The following NTNG2 variants were observed in gnomAD, a reference collection of about 807,000 sequenced individuals.
NTNG2 encodes the protein netrin-G2.
NTNG2 carries 15 observed loss-of-function variants against 47.6 expected under a neutral mutation model. The ratio of observed to expected loss-of-function variants is 0.32; its 90% CI spans 0.21 to 0.49. The LOEUF (loss-of-function observed/expected upper bound fraction) is 0.49. Among genes scored for constraint, NTNG2 ranks in the 20% least tolerant of loss-of-function variants. The pLI is 0.99. For missense variants in NTNG2, 578 were observed against 764.6 expected, an observed-to-expected ratio of 0.76 and a Z score of 2.88; for synonymous variants, 307 against 324.6, an observed-to-expected ratio of 0.95 and a Z score of 0.58.
rs1281663228 is a variant in NTNG2 at position 132,236,540 on chromosome 9, C to T, written c.1055-2564C>T. The stretch of plus-strand genomic sequence containing the variant: ...AATTTCCTCCAGCCCCAGCTCTGAG[C>T]AGCGAGCAGGGCTTTGAGCGCCCTC... On this transcript the variant is annotated intron_variant, in intron 5 of 7. Coordinates refer to ENST00000393229, the MANE Select transcript of NTNG2 (RefSeq NM_032536.4). The surrounding 1 kb of genome is among the most constrained non-coding windows in gnomAD (Gnocchi z 4.3). Among the ~76,000 whole-genome samples the T allele has an allele frequency of 6.6e-6, 1 of 152,216 alleles. No homozygotes were observed. Among genetic ancestry groups the T allele is most frequent in the Non-Finnish European group, 1.5e-5 (1 of 68,024 alleles).
rs1458405780 is a variant in NTNG2, at chr9:132,162,538, G to GTA, written c.-484+300_-484+301insAT. ...TCCTTTCCGTCGTGTGTGTGAGAGT[G>GTA]TGTGTGTGTGTGTGTGTGAGAGAGA... is the stretch of plus-strand genomic sequence containing the variant. On this transcript the variant is annotated intron_variant, in intron 1 of 7. Coordinates refer to ENST00000393229, the MANE Select transcript of NTNG2 (RefSeq NM_032536.4). This position sits in a 1 kb window ranked among gnomAD's most constrained non-coding sequence, Gnocchi z 4.6. Among the ~76,000 whole-genome samples, 6 of 104,582 alleles carry GTA rather than the reference G, an allele frequency of 5.7e-5. No individual in the cohort carries two copies. Among genetic ancestry groups the GTA allele is most frequent in the African/African-American group, 2.9e-4 (6 of 20,834 alleles). The allele number at this position is 104,582 out of a possible 152,430, so 68.6% of individuals were successfully genotyped here. A position where few individuals can be genotyped will look rare whatever the true frequency, so the allele number is the denominator to read the frequency against.
chr9:132,198,319 C>T lies in NTNG2; in HGVS notation c.567C>T (p.Ser189=), dbSNP rs764540838. Residue 189 remains serine, a synonymous_variant, in exon 3 of 8, where the codon AGC becomes AGT. Transcript: ENST00000393229. ...ARRARDMSSS[S]AHRVLCTEEY... Reference sequence around the variant, plus strand: ...GGGCCCGCGACATGTCATCCTCCAGCGCGCACCGCGTGCTCTGCACCGAGG... The same window carrying T: ...GGGCCCGCGACATGTCATCCTCCAGTGCGCACCGCGTGCTCTGCACCGAGG... 1 of 1,612,756 alleles carries T rather than the reference C, an allele frequency of 6.2e-7. No homozygotes were observed.
rs967926646 is a variant in NTNG2 at position 132,163,718 on chromosome 9, G to A, written c.-484+1479G>A. 6.6e-6 allele frequency among the ~76,000 whole-genome samples: 1 copy of A among 152,248 alleles called. No homozygotes were observed. Among genetic ancestry groups the A allele is most frequent in the African/African-American group, 2.4e-5 (1 of 41,468 alleles). On this transcript the variant is annotated intron_variant, in intron 1 of 7. Coordinates refer to ENST00000393229, the MANE Select transcript of NTNG2 (RefSeq NM_032536.4). This position sits in a 1 kb window ranked among gnomAD's most constrained non-coding sequence, Gnocchi z 7.2. ...CGCGGCAAGTTTCCCACACGGCGAG[G>A]GCGCAGCAGGCAACTCCAAGAGGAA...
chr9:132,227,255 C>A (rs561727678), intron 4 of NTNG2, among the ~76,000 whole-genome samples: 61 of 152,186 alleles, frequency 4.0e-4, no homozygotes, highest in Non-Finnish European at 7.8e-4. Context: ...GCATGCACCC[C>A]CACACACACA....
intron 3 of NTNG2, among the ~76,000 whole-genome samples, chr9:132,202,413 G>T (rs1224398376): frequency 1.3e-5 from 2 of 152,150 alleles, no homozygotes; most frequent in Admixed American, 1.3e-4. Flanking sequence ...GGGGGCAGGT[G>T]GGCTGCCGGT....
At chr9:132,230,237 G>A (rs1043265269) in intron 4 of NTNG2, among the ~76,000 whole-genome samples, 1 of 152,356 alleles carries the variant, frequency 6.6e-6, no homozygotes, top group Middle Eastern at 3.4e-3. Context: ...ATAAGAGGAG[G>A]AGTGCGTGTG....
chr9:132,223,056 G>A (rs933676055), intron 3 of NTNG2, among the ~76,000 whole-genome samples: 1 of 152,236 alleles, frequency 6.6e-6, no homozygotes, highest in African/African-American at 2.4e-5. Context: ...AGAAGTTGCA[G>A]TGAGCCGAGA....
chr9:132,216,532 G>A (rs1179015521), intron 3 of NTNG2, among the ~76,000 whole-genome samples: 1 of 151,844 alleles, frequency 6.6e-6, no homozygotes, highest in African/African-American at 2.4e-5. Flanking sequence ...AGTGGGGCAG[G>A]GGTGGAGAGG....
rs1014578935 is a variant in NTNG2, at chr9:132,187,031, G to A, written c.214-10935G>A. ...GGGGTGAGGGGCGGTGAGGAGAGCC[G>A]CTCTGAGCAACCAAGGAACTGAGAT... On this transcript the variant is annotated intron_variant, in intron 2 of 7. Transcript: ENST00000393229. 1.5e-4 allele frequency among the ~76,000 whole-genome samples: 23 copies of A among 152,218 alleles called. 1 individual carries two copies. Among genetic ancestry groups the A allele is most frequent in the South Asian group, 4.1e-4 (2 of 4,828 alleles).
At chr9:132,174,954 T>C (rs1279293749) in intron 2 of NTNG2, among the ~76,000 whole-genome samples, 2 of 151,994 alleles carry the variant, frequency 1.3e-5, no homozygotes, top group Non-Finnish European at 2.9e-5. Context: ...TTTTTATCCT[T>C]TTTAATTCTA....
At chr9:132,181,587 T>C (rs1053080579) in intron 2 of NTNG2, among the ~76,000 whole-genome samples, 1 of 152,228 alleles carries the variant, frequency 6.6e-6, no homozygotes, top group African/African-American at 2.4e-5. Flanking sequence ...AGTGTCGGGA[T>C]TACAGGCGTG....
rs554936620 is a variant in NTNG2 at position 132,197,094 on chromosome 9, T to C, written c.214-872T>C. On this transcript the variant is annotated intron_variant, in intron 2 of 7. Coordinates refer to ENST00000393229, the MANE Select transcript of NTNG2 (RefSeq NM_032536.4). The surrounding 1 kb of genome is among the most constrained non-coding windows in gnomAD (Gnocchi z 4.3). ...TGTTCACCAATCCTAAGGGTACAGG[T>C]AAAAAGGCTCAGGGGCCGGGCGCAG... Among the ~76,000 whole-genome samples the C allele has an allele frequency of 1.3e-5, 2 of 152,100 alleles. No individual in the cohort carries two copies. Among genetic ancestry groups the C allele is most frequent in the South Asian group, 4.2e-4 (2 of 4,818 alleles).
At position 132,166,649 on chromosome 9, in the gene NTNG2, G is replaced by A. The variant is rs567059788; in HGVS notation, c.-183G>A. ...ACGCTGGCTCTGAATTTTCCGTGTC[G>A]GCCTTTTGGAAACAACAAGTTCCTC... is the stretch of plus-strand genomic sequence containing the variant. On this transcript the variant is annotated 5_prime_UTR_variant, in exon 2 of 8. Transcript: ENST00000393229. 1.5e-5 allele frequency: 9 copies of A among 609,718 alleles called. No homozygotes were observed. The highest frequency in any genetic ancestry group is 8.3e-5 in the East Asian group (3 of 36,316). The allele number at this position is 609,718 out of a possible 1,614,324, so 37.8% of individuals were successfully genotyped here. A position where few individuals can be genotyped will look rare whatever the true frequency, so the allele number is the denominator to read the frequency against.
chr9:132,174,074 A>G (rs1836186043), intron 2 of NTNG2, among the ~76,000 whole-genome samples: 1 of 144,902 alleles, frequency 6.9e-6, no homozygotes, highest in Non-Finnish European at 1.5e-5. Flanking sequence ...GGACAGACGG[A>G]CAGACGGACA....
rs919101601 is a variant in NTNG2 at position 132,162,644 on chromosome 9, G to A, written c.-484+405G>A. On this transcript the variant is annotated intron_variant, in intron 1 of 7. Transcript: ENST00000393229. This position sits in a 1 kb window ranked among gnomAD's most constrained non-coding sequence, Gnocchi z 4.6. ...GGGGAGGGATGTTGCAAGGATGCTCGGATGTGTCTCGGAAAAGGAAACTAA... is the reference window on the plus strand; with the variant it reads ...GGGGAGGGATGTTGCAAGGATGCTCAGATGTGTCTCGGAAAAGGAAACTAA... Among the ~76,000 whole-genome samples, 1 of 146,730 alleles carries A rather than the reference G, an allele frequency of 6.8e-6. No homozygotes were observed. Among genetic ancestry groups the A allele is most frequent in the African/African-American group, 2.5e-5 (1 of 39,938 alleles).
chr9:132,241,887 G>A lies in NTNG2; in HGVS notation c.1369G>A (p.Asp457Asn). Residue 457 changes from aspartate (D) to asparagine (N), a missense_variant, in exon 8 of 8, where the codon GAC (aspartate) becomes AAC (asparagine). Transcript: ENST00000393229. The stretch of plus-strand genomic sequence containing the variant: ...CCCTCCGCCTGCAGCCAACGTGTGC[G>A]ACGACGACCAGCTGCTGTGCCAGAA... ...WRQGCYPNVC[D>N]DDQLLCQNGG... The A allele has an allele frequency of 6.4e-7, 1 of 1,574,638 alleles. No homozygotes were observed. Among genetic ancestry groups the A allele is most frequent in the Non-Finnish European group, 8.6e-7 (1 of 1,166,972 alleles).
chr9:132,230,673 GA>G, intron 5 of NTNG2, 78 bp downstream of exon 5: 1 of 1,460,230 alleles, frequency 6.8e-7, no homozygotes, highest in Non-Finnish European at 9.4e-7. Context: ...AAGCTGGAGA[GA>G]AAAAAGGGGC....
intron 3 of NTNG2, among the ~76,000 whole-genome samples, chr9:132,213,030 G>A (rs1451570162): frequency 6.6e-6 from 1 of 152,120 alleles, no homozygotes. Context: ...AGAAAAGAAG[G>A]ACTTGAGGCC....
At chr9:132,188,887 C>T (rs73661556) in intron 2 of NTNG2, among the ~76,000 whole-genome samples, 2,260 of 152,174 alleles carry the variant, frequency 0.015, 60 homozygotes, top group African/African-American at 0.05. Context: ...CAGATGTGGT[C>T]GCTGCCCGCA....
Sources: gnomAD v4.1 joint callset for allele counts (sites outside exome capture counted in the v4.1 genomes callset) on GRCh38, gnomAD v4.1.1 for gene constraint, Gnocchi (gnomAD v3.1) non-coding constraint, MANE v1.5 for transcripts, NCBI Gene and HGNC (gene_info 2026-07-23, HGNC 2026-07-21) for gene names.